Variants in ZDHHC19 observed in about 807,000 individuals in gnomAD.
ZDHHC19 encodes the protein palmitoyltransferase ZDHHC19.
Under a neutral mutation model 33.9 loss-of-function variants are expected in ZDHHC19, and 30 were observed. That is an observed-to-expected ratio of 0.88 (90% confidence interval 0.66 to 1.20). The LOEUF (loss-of-function observed/expected upper bound fraction) is 1.20, where lower values mean the gene tolerates loss of function less well. Among genes scored for constraint, ZDHHC19 ranks in the 50% most tolerant of loss-of-function variants. ZDHHC19 has a pLI of 0.00. For synonymous variants in ZDHHC19, 178 were observed against 167.6 expected (o/e 1.06, Z -0.48); for missense variants, 364 against 401.1 (o/e 0.91, Z 0.79).
chr3:196,198,806 A>G lies in ZDHHC19; in HGVS notation c.756T>C (p.Cys252=). ...CAACTCACTTGGGTCCCAGTGGTGC[A>G]CAAATTGTTAAATACCAGTTGCTGG... The part of the protein sequence containing the change: ...GCASNWYLTI[C]APLGPKYMAE... Residue 252 remains cysteine, a synonymous_variant, in exon 6 of 8, where the codon TGT becomes TGC. Transcript: ENST00000296326. The G allele has an allele frequency of 6.2e-7, 1 of 1,614,064 alleles. No homozygotes were observed. Among genetic ancestry groups the G allele is most frequent in the Non-Finnish European group, 8.5e-7 (1 of 1,179,994 alleles).
At position 196,211,204 on chromosome 3, in the gene ZDHHC19, G is replaced by T; in HGVS notation, c.112C>A (p.Leu38Met). The change falls in exon 1 of 8, where the codon CTG becomes ATG. Residue 38 changes from leucine to methionine, a missense_variant. Leu to Met is a conservative substitution (Grantham distance 15). Transcript: ENST00000296326. ...AAGAAGAGGCCACTGAAAAAGACCA[G>T]CAGCACCACATTGAAGGCAGCAAAG... ...SLFAAFNVVL[L>M]VFFSGLFFAF... 1.2e-6 allele frequency: 2 copies of T among 1,614,212 alleles called. No individual in the cohort carries two copies. The highest frequency in any genetic ancestry group is 2.2e-5 in the East Asian group (1 of 44,880).
At chr3:196,201,858 A>G (rs772901359) in intron 5 of ZDHHC19, among the ~76,000 whole-genome samples, 5 of 152,132 alleles carry the variant, frequency 3.3e-5, no homozygotes. Context: ...AGCCAGGGTG[A>G]GCTGCTTCTT....
intron 5 of ZDHHC19, among the ~76,000 whole-genome samples, chr3:196,201,134 A>G (rs1022610194): frequency 7.9e-5 from 12 of 151,402 alleles, no homozygotes; most frequent in Non-Finnish European, 1.0e-4. Flanking sequence ...GTGCAGTGGC[A>G]CGATCTTGGC....
intron 5 of ZDHHC19, among the ~76,000 whole-genome samples, chr3:196,205,981 AG>A (rs77622568): frequency 0.13 from 19,078 of 151,786 alleles, 1,654 homozygotes; most frequent in East Asian, 0.36. Context: ...TTGGCTTTTA[AG>A]AAATTCTACC....
rs1020407020 is a variant in ZDHHC19, at chr3:196,198,416, A to G, written c.809T>C (p.Val270Ala). 1.9e-6 allele frequency: 3 copies of G among 1,554,782 alleles called. No homozygotes were observed. Among genetic ancestry groups the G allele is most frequent in the Non-Finnish European group, 2.6e-6 (3 of 1,150,322 alleles). ...MAEAVQLQRV[V>A]GPDWTSMPNL... is the part of the protein sequence containing the mutation. ...CGGCATGGATGTCCAGTCAGGCCCC[A>G]CCACTCTCTGCAGCTGGACAGCTTC... The change falls in exon 7 of 8, where the codon GTG becomes GCG. Residue 270 changes from valine (V) to alanine (A), a missense_variant. Coordinates refer to ENST00000296326, the MANE Select transcript of ZDHHC19 (RefSeq NM_001039617.2).
Position 196,211,305 on chromosome 3 carries a change from AAG to A in ZDHHC19, c.9_10del (p.Leu4AsnfsTer24). 8.7e-6 allele frequency: 14 copies of A among 1,612,222 alleles called. No homozygotes were observed. Among genetic ancestry groups the A allele is most frequent in the Non-Finnish European group, 1.2e-5 (14 of 1,178,772 alleles). On this transcript the variant is annotated frameshift_variant, in exon 1 of 8. Coordinates refer to ENST00000296326, the MANE Select transcript of ZDHHC19 (RefSeq NM_001039617.2). LOFTEE classifies it high-confidence loss of function. ...CTTCACCAGCGGCGTGGCATCCGTT[AAG>A]AGTGTCATGGCTGGGCCTCCTTCGC...
intron 5 of ZDHHC19, among the ~76,000 whole-genome samples, chr3:196,205,117 C>CA (rs1224416744): frequency 1.3e-5 from 2 of 152,028 alleles, no homozygotes; most frequent in Non-Finnish European, 2.9e-5. Context: ...AACGAACAAA[C>CA]AAAAAACCAC....
intron 5 of ZDHHC19, among the ~76,000 whole-genome samples, chr3:196,199,909 C>A (rs928592277): frequency 6.6e-6 from 1 of 151,874 alleles, no homozygotes; most frequent in African/African-American, 2.4e-5. Flanking sequence ...CATGCCACTG[C>A]ACTCCAGCCT....
chr3:196,209,953 A>G (rs1296788223), intron 2 of ZDHHC19, among the ~76,000 whole-genome samples: 1 of 152,182 alleles, frequency 6.6e-6, no homozygotes, highest in East Asian at 1.9e-4. Context: ...GCACTTTGGG[A>G]GGCCGAGGTG....
chr3:196,210,346 G>GAA (rs1553821874), intron 2 of ZDHHC19, among the ~76,000 whole-genome samples: 122 of 78,032 alleles, frequency 1.6e-3, no homozygotes, highest in Admixed American at 2.2e-3. Context: ...AGAAAGAAAA[G>GAA]AGAAAGAAAG....
At chr3:196,209,317 G>T in intron 3 of ZDHHC19, 59 bp downstream of exon 3, 1 of 1,534,014 alleles carries the variant, frequency 6.5e-7, no homozygotes. Context: ...TATGAGGGAG[G>T]CTCCTGGTCC....
At chr3:196,200,469 C>A (rs941906239) in intron 5 of ZDHHC19, among the ~76,000 whole-genome samples, 1 of 148,288 alleles carries the variant, frequency 6.7e-6, no homozygotes, top group Non-Finnish European at 1.5e-5. Context: ...ATTCTCCTGC[C>A]TCAGCCTCCC....
intron 3 of ZDHHC19, chr3:196,208,909 C>T: frequency 3.2e-6 from 1 of 313,466 alleles, no homozygotes; most frequent in Non-Finnish European, 6.0e-6. Flanking sequence ...GTAACAGTAA[C>T]ACCCTTGCCC....
chr3:196,207,098 G>T (rs561223256), intron 5 of ZDHHC19, among the ~76,000 whole-genome samples: 1 of 152,262 alleles, frequency 6.6e-6, no homozygotes, highest in East Asian at 1.9e-4. Context: ...TATCTGGTGG[G>T]TGTTACTCTG....
intron 5 of ZDHHC19, among the ~76,000 whole-genome samples, chr3:196,200,558 G>T (rs952763940): frequency 9.4e-5 from 14 of 148,608 alleles, no homozygotes; most frequent in East Asian, 2.0e-4. Context: ...GTTTCACCGT[G>T]TTAGCCAGGA....
At chr3:196,210,237 G>A (rs1197911141) in intron 2 of ZDHHC19, among the ~76,000 whole-genome samples, 10 of 127,206 alleles carry the variant, frequency 7.9e-5, no homozygotes, top group Non-Finnish European at 1.3e-4. Flanking sequence ...AGGAAAGAAG[G>A]AAAGAAAGAA....
At position 196,203,204 on chromosome 3, in the gene ZDHHC19, C is replaced by G. The variant is rs1318356102; in HGVS notation, c.687+4194G>C. On this transcript the variant is annotated intron_variant, in intron 5 of 7. Transcript: ENST00000296326. This position sits in a 1 kb window ranked among gnomAD's most constrained non-coding sequence, Gnocchi z 4.3. The stretch of plus-strand genomic sequence containing the variant: ...TGAACCCAGGAGGCCAAGATCACAC[C>G]ACTGCACTCCAGCCTGAGTGACAGA... 6.6e-6 allele frequency among the ~76,000 whole-genome samples: 1 copy of G among 151,558 alleles called. No homozygotes were observed. Among genetic ancestry groups the G allele is most frequent in the Non-Finnish European group, 1.5e-5 (1 of 67,924 alleles).
intron 5 of ZDHHC19, among the ~76,000 whole-genome samples, chr3:196,202,140 G>A (rs1722402687): frequency 6.6e-6 from 1 of 152,158 alleles, no homozygotes; most frequent in Non-Finnish European, 1.5e-5. Flanking sequence ...CCAACATAGT[G>A]AAATCCCGTC....
chr3:196,208,274 A>T, intron 4 of ZDHHC19, 114 bp downstream of exon 4: 1 of 733,184 alleles, frequency 1.4e-6, no homozygotes, highest in Non-Finnish European at 1.9e-6. Context: ...CTCGTCCCAG[A>T]CTGGTCCTCC....
Sources: allele counts gnomAD v4.1 joint callset (sites outside exome capture counted in the v4.1 genomes callset), GRCh38; gene constraint gnomAD v4.1.1; non-coding constraint Gnocchi (gnomAD v3.1); transcripts MANE v1.5; gene names NCBI Gene and HGNC (gene_info 2026-07-23, HGNC 2026-07-21).